The following HSP90B1 variants were observed in gnomAD, a reference collection of about 807,000 sequenced individuals.
HSP90B1 encodes heat shock protein 90 beta family member 1.
In HSP90B1, 27 loss-of-function variants were observed where a neutral mutation model predicts 100.4. The observed-to-expected ratio is 0.27, with a 90% CI of 0.20 to 0.37. The LOEUF is 0.37. Among genes scored for constraint, HSP90B1 ranks in the 10% least tolerant of loss-of-function variants. The pLI is 1.00. For synonymous variants in HSP90B1, 304 were observed against 330.8 expected (o/e 0.92, Z 0.88); for missense variants, 678 against 960.5 (o/e 0.71, Z 3.89).
chr12:103,932,770 A>G (rs1214570776), intron 3 of HSP90B1, 56 bp from the exon 4 acceptor site: 7 of 916,284 alleles, frequency 7.6e-6, no homozygotes, highest in Non-Finnish European at 1.3e-5. Flanking sequence ...ATAAAATCGA[A>G]TATCTTAATG....
At chr12:103,938,318 C>A in intron 6 of HSP90B1, 22 bp from the exon 7 acceptor site, 1 of 1,522,306 alleles carries the variant, frequency 6.6e-7, no homozygotes, top group Non-Finnish European at 8.8e-7. Context: ...TGAGTTTAAC[C>A]ATAATTCTCT....
chr12:103,942,703 T>A lies in HSP90B1; in HGVS notation c.1551T>A (p.His517Gln). Residue 517 changes from histidine to glutamine, a missense_variant, in exon 12 of 18, where the codon CAT becomes CAA. By Grantham distance (24) the His-to-Gln change is conservative. Transcript: ENST00000299767. ...AKLLRFQSSH[H>Q]PTDITSLDQY... ...TTCTTAGGTTCCAGTCTTCTCATCA[T>A]CCAACTGACATTACTAGCCTAGACC... The A allele has an allele frequency of 6.2e-7, 1 of 1,613,934 alleles. No homozygotes were observed. The highest frequency in any genetic ancestry group is 8.5e-7 in the Non-Finnish European group (1 of 1,179,826).
chr12:103,931,589 G>A lies in HSP90B1; in HGVS notation c.118G>A (p.Glu40Lys). ...AGAAGAGGATCTGGGTAAAAGTAGA[G>A]AAGGATCAAGGACGGATGATGAAGT... ...TVEEDLGKSR[E>K]GSRTDDEVVQ... The change falls in exon 2 of 18, where the codon GAA (glutamate) becomes AAA (lysine). Residue 40 changes from glutamate to lysine, a missense_variant. Glu to Lys is a moderately conservative substitution (Grantham distance 56). Transcript: ENST00000299767. 6.2e-7 allele frequency: 1 copy of A among 1,613,684 alleles called. No individual in the cohort carries two copies. Among genetic ancestry groups the A allele is most frequent in the South Asian group, 1.1e-5 (1 of 91,056 alleles).
chr12:103,937,105 T>C (rs1304501083), intron 5 of HSP90B1, among the ~76,000 whole-genome samples: 1 of 152,232 alleles, frequency 6.6e-6, no homozygotes, highest in Non-Finnish European at 1.5e-5. Context: ...GTTCTATATC[T>C]GCACTTTTCC....
chr12:103,946,597 T>A, intron 14 of HSP90B1, 21 bp from the exon 15 acceptor site: 1 of 1,568,792 alleles, frequency 6.4e-7, no homozygotes, highest in Non-Finnish European at 8.8e-7. Context: ...TTTGTTAATG[T>A]TCATTTTTAT....
At chr12:103,936,281 G>C (rs2136213837) in intron 5 of HSP90B1, among the ~76,000 whole-genome samples, 1 of 152,280 alleles carries the variant, frequency 6.6e-6, no homozygotes, top group East Asian at 1.9e-4. Flanking sequence ...TTTTTAGCTT[G>C]TGAGCTATAT....
chr12:103,932,078 C>T (rs111806701), intron 2 of HSP90B1, 199 bp from the exon 3 acceptor site: 10,200 of 511,272 alleles, frequency 0.02, 165 homozygotes, highest in Middle Eastern at 0.071. Context: ...TTTTAAGAAC[C>T]GAGTATTTCC....
intron 4 of HSP90B1, among the ~76,000 whole-genome samples, chr12:103,933,710 G>C (rs917125246): frequency 6.6e-5 from 10 of 152,104 alleles, no homozygotes; most frequent in African/African-American, 2.4e-4. Flanking sequence ...GTTTTATTTA[G>C]GTCAGCCTCT....
At chr12:103,946,584 T>A (rs775150661) in intron 14 of HSP90B1, 34 bp from the exon 15 acceptor site, 12 of 1,466,072 alleles carry the variant, frequency 8.2e-6, no homozygotes, top group Non-Finnish European at 1.1e-5. Flanking sequence ...AAATTGGATA[T>A]GTTTTGTTAA....
At chr12:103,944,807 G>A (rs1210633317) in intron 14 of HSP90B1, among the ~76,000 whole-genome samples, 1 of 152,226 alleles carries the variant, frequency 6.6e-6, no homozygotes, top group Non-Finnish European at 1.5e-5. Context: ...GCCCTCTGCG[G>A]CCTCCCAAAG....
At chr12:103,940,100 T>A (rs541266658) in intron 8 of HSP90B1, among the ~76,000 whole-genome samples, 2 of 152,304 alleles carry the variant, frequency 1.3e-5, no homozygotes, top group East Asian at 3.9e-4. Context: ...AAAAAATTAT[T>A]TTGAGAAGGC....
chr12:103,946,425 C>T (rs185709124), intron 14 of HSP90B1, among the ~76,000 whole-genome samples, 193 bp from the exon 15 acceptor site: 4 of 149,840 alleles, frequency 2.7e-5, no homozygotes, highest in African/African-American at 4.9e-5. Flanking sequence ...CCTGCACATA[C>T]GGAGGGCGGA....
At chr12:103,933,802 C>T (rs1593487679) in intron 4 of HSP90B1, among the ~76,000 whole-genome samples, 154 bp from the exon 5 acceptor site, 1 of 152,282 alleles carries the variant, frequency 6.6e-6, no homozygotes, top group African/African-American at 2.4e-5. Flanking sequence ...TGTACACTTT[C>T]AGAAAAGGCC....
Position 103,934,169 on chromosome 12 carries a change from G to A in HSP90B1, c.625G>A (p.Val209Ile), listed in dbSNP as rs1018491944. Residue 209 changes from valine (V) to isoleucine (I), a missense_variant, in exon 5 of 18, where the codon GTT becomes ATT. Physicochemically the swap from Val to Ile is conservative, Grantham distance 29. Around this residue, in one of 8 missense-constraint regions of HSP90B1, gnomAD observed 238 missense variants for 346.7 expected, o/e 0.69. Coordinates refer to ENST00000299767, the MANE Select transcript of HSP90B1 (RefSeq NM_003299.3). The stretch of plus-strand genomic sequence containing the variant: ...TTCCGCCTTCCTTGTAGCAGATAAG[G>A]TTATTGTCACTTCAAAACACAACAA... ...FYSAFLVADK[V>I]IVTSKHNNDT... The A allele has an allele frequency of 6.2e-7, 1 of 1,614,168 alleles. No individual in the cohort carries two copies. Among genetic ancestry groups the A allele is most frequent in the South Asian group, 1.1e-5 (1 of 91,084 alleles).
In HSP90B1 at chr12:103,945,104, ACAGGTAG is replaced by A. The variant is rs1408797030; in HGVS notation, c.2027+1231_2027+1237del. ...TTACTATGTCCATGCACTGATGGTC[ACAGGTAG>A]ACATAACTCCTGTCTTTTCTAACAT... On this transcript the variant is annotated intron_variant, in intron 14 of 17. Transcript: ENST00000299767. Among the ~76,000 whole-genome samples the A allele has an allele frequency of 2.6e-5, 4 of 152,204 alleles. No homozygotes were observed. The East Asian group carries it at 7.7e-4, about 29-fold the overall frequency.
At chr12:103,935,150 G>A (rs1312854889) in intron 5 of HSP90B1, among the ~76,000 whole-genome samples, 1 of 152,168 alleles carries the variant, frequency 6.6e-6, no homozygotes, top group Non-Finnish European at 1.5e-5. Flanking sequence ...AGAGATAAAG[G>A]GCTTAAAGAA....
chr12:103,946,890 T>C lies in HSP90B1; in HGVS notation c.2211T>C (p.Asp737=), dbSNP rs1415565987. The C allele has an allele frequency of 1.2e-6, 2 of 1,614,088 alleles. No individual in the cohort carries two copies. Among genetic ancestry groups the C allele is most frequent in the East Asian group, 2.2e-5 (1 of 44,880 alleles). The change falls in exon 16 of 18, where the codon GAT becomes GAC. Residue 737 remains aspartate (D), a synonymous_variant. Coordinates refer to ENST00000299767, the MANE Select transcript of HSP90B1 (RefSeq NM_003299.3). The part of the protein sequence containing the change: ...YLLPDTKAYG[D]RIERMLRLSL... ...TACCAGACACTAAAGCATATGGAGA[T>C]AGAATAGAAAGAATGCTTCGCCTCA...
rs1870140085 is a variant in HSP90B1 at position 103,943,613 on chromosome 12, C to T, written c.1891-125C>T. 1 of 999,826 alleles carries T rather than the reference C, an allele frequency of 1.0e-6. No individual in the cohort carries two copies. Among genetic ancestry groups the T allele is most frequent in the Admixed American group, 3.0e-5 (1 of 32,840 alleles). 61.9% of individuals were successfully genotyped at this position (999,826 alleles called of 1,614,324 possible). A position where few individuals can be genotyped will look rare whatever the true frequency, so the allele number is the denominator to read the frequency against. The stretch of plus-strand genomic sequence containing the variant: ...AAATTCTCCTAAACCTTAAGAAAAG[C>T]TATTTTTATGACCTGCTTCTGTGTT... On this transcript the variant is annotated intron_variant, in intron 13 of 17. Coordinates refer to ENST00000299767, the MANE Select transcript of HSP90B1 (RefSeq NM_003299.3). This position sits in a 1 kb window ranked among gnomAD's most constrained non-coding sequence, Gnocchi z 5.3.
Position 103,930,488 on chromosome 12 carries a change from G to A in HSP90B1, c.-28G>A, listed in dbSNP as rs17797090. 134,534 of 1,588,234 alleles carry A rather than the reference G, an allele frequency of 0.085. 6,196 individuals are homozygous for A. Among genetic ancestry groups the A allele is most frequent in the Middle Eastern group, 0.14 (810 of 5,912 alleles). On this transcript the variant is annotated 5_prime_UTR_variant, in exon 1 of 18. Transcript: ENST00000299767. The surrounding 1 kb of genome is among the most constrained non-coding windows in gnomAD (Gnocchi z 4.4). Reference sequence around the variant, plus strand: ...GTGGAGGCGGCTCCTGCGATCGAAGGGGACTTGAGACTCACCGGCCGCACG... The same window carrying A: ...GTGGAGGCGGCTCCTGCGATCGAAGAGGACTTGAGACTCACCGGCCGCACG...
Sources: allele counts gnomAD v4.1 joint callset (sites outside exome capture counted in the v4.1 genomes callset), GRCh38; gene constraint gnomAD v4.1.1; regional missense constraint gnomAD v4.1.1; non-coding constraint Gnocchi (gnomAD v3.1); transcripts MANE v1.5; gene names NCBI Gene and HGNC (gene_info 2026-07-23, HGNC 2026-07-21).